DDR2: variants seen among roughly 807,000 people sequenced by gnomAD.
The protein encoded by DDR2 is discoidin domain receptor tyrosine kinase 2, also known as discoidin domain-containing receptor 2.
In DDR2, 27 loss-of-function variants were observed where a neutral mutation model predicts 94.9. The observed-to-expected ratio is 0.28, with a 90% CI of 0.21 to 0.39. DDR2 has a LOEUF of 0.39. Ranked by LOEUF, DDR2 falls within the 10% of genes least tolerant of loss-of-function variation. The pLI is 1.00. For missense variants in DDR2, 783 were observed against 1,076.0 expected, an observed-to-expected ratio of 0.73 and a Z score of 3.81; for synonymous variants, 382 against 377.2, an observed-to-expected ratio of 1.01 and a Z score of -0.15.
intron 1 of DDR2, among the ~76,000 whole-genome samples, chr1:162,647,552 T>C (rs909002847): frequency 1.6e-4 from 25 of 152,290 alleles, no homozygotes; most frequent in African/African-American, 4.8e-4. Flanking sequence ...AGCTGCTCAA[T>C]TGGGTATACT....
intron 2 of DDR2, among the ~76,000 whole-genome samples, chr1:162,696,431 A>T (rs1660194963): frequency 6.6e-6 from 1 of 151,500 alleles, no homozygotes. Flanking sequence ...TCTGGGCTCC[A>T]GCTCTGGCTG....
intron 2 of DDR2, among the ~76,000 whole-genome samples, chr1:162,711,424 A>AT (rs1331465120): frequency 6.6e-6 from 1 of 152,154 alleles, no homozygotes; most frequent in African/African-American, 2.4e-5. Flanking sequence ...GTAGATAAAC[A>AT]TTTCATGATT....
chr1:162,724,593 A>G (rs917174239), intron 3 of DDR2, among the ~76,000 whole-genome samples: 1 of 152,068 alleles, frequency 6.6e-6, no homozygotes, highest in African/African-American at 2.4e-5. Flanking sequence ...ACCTACACAT[A>G]TTTCCAAATT....
rs533674591 is a variant in DDR2, at chr1:162,727,850, A to G, written c.82+8705A>G. Reference sequence around the variant, plus strand: ...TGTCTTAACTTCTACTTTACTGTGTATGTGTCCAAACTACTGAAAAATTCT... The same window carrying G: ...TGTCTTAACTTCTACTTTACTGTGTGTGTGTCCAAACTACTGAAAAATTCT... On this transcript the variant is annotated intron_variant, in intron 3 of 17. Transcript: ENST00000367921. Among the ~76,000 whole-genome samples the G allele has an allele frequency of 2.8e-3, 421 of 149,560 alleles. 2 individuals are homozygous for G. Among genetic ancestry groups the G allele is most frequent in the African/African-American group, 9.6e-3 (395 of 41,076 alleles).
At chr1:162,682,137 C>G (rs1277865568) in intron 2 of DDR2, among the ~76,000 whole-genome samples, 1 of 152,052 alleles carries the variant, frequency 6.6e-6, no homozygotes, top group African/African-American at 2.4e-5. Flanking sequence ...TGGAGAAACC[C>G]ACAGTGAGAG....
intron 2 of DDR2, among the ~76,000 whole-genome samples, chr1:162,710,579 C>T (rs1226989733): frequency 2.0e-5 from 3 of 152,136 alleles, no homozygotes; most frequent in Non-Finnish European, 4.4e-5. Context: ...ATGAAATACT[C>T]CAAAACTGCT....
chr1:162,654,587 T>C (rs944420501), intron 1 of DDR2, among the ~76,000 whole-genome samples: 4 of 152,180 alleles, frequency 2.6e-5, no homozygotes, highest in African/African-American at 9.7e-5. Context: ...AGGGTGATGG[T>C]GCGGTGGAAA....
At chr1:162,706,847 G>A (rs1660684780) in intron 2 of DDR2, among the ~76,000 whole-genome samples, 1 of 152,166 alleles carries the variant, frequency 6.6e-6, no homozygotes, top group African/African-American at 2.4e-5. Flanking sequence ...TGGTTCAGAG[G>A]CTGCAAGTTA....
intron 1 of DDR2, among the ~76,000 whole-genome samples, chr1:162,632,981 A>G (rs915121127): frequency 6.6e-5 from 10 of 152,220 alleles, no homozygotes; most frequent in Non-Finnish European, 1.3e-4. Flanking sequence ...TAGTTTCAGG[A>G]TGAAGAAGGC....
chr1:162,656,552 C>T (rs1657974720), intron 2 of DDR2, among the ~76,000 whole-genome samples: 1 of 151,924 alleles, frequency 6.6e-6, no homozygotes, highest in African/African-American at 2.4e-5. Flanking sequence ...TTCAAATTTG[C>T]CTTTTCTTCC....
intron 16 of DDR2, 103 bp downstream of exon 16, chr1:162,776,473 G>C (rs1218501451): frequency 4.2e-5 from 42 of 990,450 alleles, no homozygotes; most frequent in Non-Finnish European, 6.5e-5. Flanking sequence ...AAACTCAATA[G>C]ACTGTAGTAT....
At chr1:162,703,438 G>A (rs975590996) in intron 2 of DDR2, among the ~76,000 whole-genome samples, 12 of 152,170 alleles carry the variant, frequency 7.9e-5, no homozygotes, top group African/African-American at 2.9e-4. Context: ...GAGGATAGAT[G>A]GAAGATGAGA....
chr1:162,719,281 G>A, intron 3 of DDR2, 136 bp downstream of exon 3: 3 of 1,484,994 alleles, frequency 2.0e-6, no homozygotes, highest in Non-Finnish European at 2.7e-6. Context: ...GGTGAAATAT[G>A]ACTAAAATAG....
rs1457669116 is a variant in DDR2, at chr1:162,657,568, A to G, written c.-28+2194A>G. ...AATGGGTACTGAGAGCAGAAGGGTAACAACAGCCTTTGGAGATTGAACTCC... is the reference window on the plus strand; with the variant it reads ...AATGGGTACTGAGAGCAGAAGGGTAGCAACAGCCTTTGGAGATTGAACTCC... On this transcript the variant is annotated intron_variant, in intron 2 of 17. Coordinates refer to ENST00000367921, the MANE Select transcript of DDR2 (RefSeq NM_006182.4). 1.3e-5 allele frequency among the ~76,000 whole-genome samples: 2 copies of G among 152,176 alleles called. 1 individual carries two copies. Among genetic ancestry groups the G allele is most frequent in the African/African-American group, 4.8e-5 (2 of 41,446 alleles).
At chr1:162,643,347 G>A (rs986459320) in intron 1 of DDR2, among the ~76,000 whole-genome samples, 1 of 152,122 alleles carries the variant, frequency 6.6e-6, no homozygotes, top group African/African-American at 2.4e-5. Context: ...TAACAAAGAT[G>A]CTCAGAATGT....
At position 162,786,831 on chromosome 1, in the gene DDR2, C is replaced by G. The variant is rs1171021434; in HGVS notation, c.*6585C>G. The G allele has an allele frequency of 6.6e-6, 1 of 152,236 alleles. No individual in the cohort carries two copies. Among genetic ancestry groups the G allele is most frequent in the African/African-American group, 2.4e-5 (1 of 41,460 alleles). 9.4% of individuals were successfully genotyped at this position (152,236 alleles called of 1,614,324 possible). ...ACGAGACACTGGGATTTTACGTCCT[C>G]ACATTAATTAGTCCAGTTCTGGGGA... is the stretch of plus-strand genomic sequence containing the variant. On this transcript the variant is annotated 3_prime_UTR_variant, in exon 18 of 18. Transcript: ENST00000367921.
At chr1:162,729,675 G>A (rs1396658676) in intron 3 of DDR2, among the ~76,000 whole-genome samples, 1 of 151,134 alleles carries the variant, frequency 6.6e-6, no homozygotes, top group Non-Finnish European at 1.5e-5. Flanking sequence ...AATAAGAAGA[G>A]GGAGGGGGAA....
At chr1:162,702,600 T>C (rs563869011) in intron 2 of DDR2, among the ~76,000 whole-genome samples, 2 of 152,364 alleles carry the variant, frequency 1.3e-5, no homozygotes, top group East Asian at 3.9e-4. Context: ...AATGTCACCC[T>C]ATTTCAACCT....
In DDR2 at chr1:162,761,349, C is replaced by T. The variant is rs1663731445; in HGVS notation, c.994C>T (p.Arg332Trp). 8 of 1,614,062 alleles carry T rather than the reference C, an allele frequency of 5.0e-6. No homozygotes were observed. Among genetic ancestry groups the T allele is most frequent in the African/African-American group, 2.7e-5 (2 of 74,924 alleles). Residue 332 changes from arginine (R) to tryptophan (W), a missense_variant, in exon 9 of 18, where the codon CGG becomes TGG. Arg to Trp is a moderately radical substitution (Grantham distance 101, BLOSUM62 -3). Around this residue, in one of 2 missense-constraint regions of DDR2, gnomAD observed 519 missense variants for 647.9 expected, o/e 0.80. Transcript: ENST00000367921. ...LVLDDVNPSA[R>W]FVTVPLHHRM... ...CCTGGATGACGTCAACCCCAGTGCTCGGTTTGTCACGGTGCCTCTCCACCA... is the reference window on the plus strand; with the variant it reads ...CCTGGATGACGTCAACCCCAGTGCTTGGTTTGTCACGGTGCCTCTCCACCA...
Sources: gnomAD v4.1 joint callset for allele counts (sites outside exome capture counted in the v4.1 genomes callset) on GRCh38, gnomAD v4.1.1 for gene constraint, gnomAD v4.1.1 regional missense constraint, MANE v1.5 for transcripts, NCBI Gene and HGNC (gene_info 2026-07-23, HGNC 2026-07-21) for gene names.